ARHGAP12: variants seen among roughly 807,000 people sequenced by gnomAD.
ARHGAP12 encodes the protein Rho GTPase activating protein 12.
Under a neutral mutation model 108.6 loss-of-function variants are expected in ARHGAP12, and 64 were observed. That is an observed-to-expected ratio of 0.59 (90% CI 0.48 to 0.73). The LOEUF is 0.73. Ranked by LOEUF, ARHGAP12 falls within the 30% of genes least tolerant of loss-of-function variation. The pLI is 0.00. For missense variants in ARHGAP12, 940 were observed against 1,005.9 expected (o/e 0.93, Z 0.89); for synonymous variants, 312 against 337.2 (o/e 0.93, Z 0.82).
rs779587349 is a variant in ARHGAP12, at chr10:31,811,427, AAAAC to A, written c.1952-684_1952-681del. On this transcript the variant is annotated intron_variant, in intron 15 of 19. Transcript: ENST00000344936. ...TCCATATTAGTGGTAAATGTTCAGG[AAAAC>A]AAACAATTTGAAGTGATGAATAAGG... Among the ~76,000 whole-genome samples, 326 of 152,300 alleles carry A rather than the reference AAAAC, an allele frequency of 2.1e-3. 1 individual carries two copies. Among genetic ancestry groups the A allele is most frequent in the Non-Finnish European group, 3.2e-3 (218 of 68,006 alleles).
At chr10:31,819,431 C>T (rs546201103) in intron 12 of ARHGAP12, among the ~76,000 whole-genome samples, 1 of 152,312 alleles carries the variant, frequency 6.6e-6, no homozygotes, top group Middle Eastern at 3.4e-3. Context: ...TCTCTGTAAC[C>T]ACACCCTTCT....
chr10:31,823,746 C>G (rs927612824), intron 11 of ARHGAP12, among the ~76,000 whole-genome samples: 1 of 152,102 alleles, frequency 6.6e-6, no homozygotes, highest in African/African-American at 2.4e-5. Context: ...CCTTCTAACA[C>G]CAAAGGAAAT....
intron 3 of ARHGAP12, among the ~76,000 whole-genome samples, chr10:31,877,844 T>C (rs1231027294): frequency 1.3e-5 from 2 of 152,194 alleles, no homozygotes; most frequent in African/African-American, 4.8e-5. Context: ...ATAATTCCAG[T>C]ACTTTGGGAA....
In ARHGAP12 at chr10:31,928,796, T is replaced by A. The variant is rs1466403618; in HGVS notation, c.-224A>T. 6.6e-6 allele frequency: 1 copy of A among 151,294 alleles called. No homozygotes were observed. The highest frequency in any genetic ancestry group is 1.5e-5 in the Non-Finnish European group (1 of 67,826). The allele number at this position is 151,294 out of a possible 1,614,324, so 9.4% of individuals were successfully genotyped here. On this transcript the variant is annotated 5_prime_UTR_variant, in exon 1 of 20. Coordinates refer to ENST00000344936, the MANE Select transcript of ARHGAP12 (RefSeq NM_018287.7). ...CACGGCTACGGCCGCGGCCGGCCCG[T>A]CCCCGCAGGCTGGCCTCTGAGGGAG...
rs1266427905 is a variant in ARHGAP12 at position 31,883,994 on chromosome 10, CAT to C, written c.685-22338_685-22337del. Among the ~76,000 whole-genome samples, 5 of 150,460 alleles carry C rather than the reference CAT, an allele frequency of 3.3e-5. No individual in the cohort carries two copies. In the East Asian group the frequency reaches 9.8e-4, roughly 29 times the overall value. Reference sequence around the variant, plus strand: ...CTTCCCAAAGTGCTGGGGCTACAGGCATGAGCCACTACGCCTGGCCTAAACTT... The same window carrying C: ...CTTCCCAAAGTGCTGGGGCTACAGGCGAGCCACTACGCCTGGCCTAAACTT... On this transcript the variant is annotated intron_variant, in intron 3 of 19. Coordinates refer to ENST00000344936, the MANE Select transcript of ARHGAP12 (RefSeq NM_018287.7).
intron 9 of ARHGAP12, 132 bp from the exon 10 acceptor site, chr10:31,831,932 T>C: frequency 2.1e-6 from 1 of 473,964 alleles, no homozygotes; most frequent in East Asian, 3.5e-5. Context: ...ATGTGTAACA[T>C]GCGTAGTTCT....
chr10:31,874,973 CAAAAAA>C (rs59050160), intron 3 of ARHGAP12, among the ~76,000 whole-genome samples: 1 of 58,314 alleles, frequency 1.7e-5, no homozygotes, highest in Non-Finnish European at 3.0e-5. Flanking sequence ...GACTCTGTCT[CAAAAAA>C]AAAAAAAAAA....
chr10:31,906,950 AACTC>A (rs1839157068), intron 3 of ARHGAP12, among the ~76,000 whole-genome samples: 1 of 152,182 alleles, frequency 6.6e-6, no homozygotes, highest in South Asian at 2.1e-4. Flanking sequence ...ACTGAACAAA[AACTC>A]ACTAAGACAC....
chr10:31,894,482 T>G (rs1002638488), intron 3 of ARHGAP12, among the ~76,000 whole-genome samples: 29 of 152,156 alleles, frequency 1.9e-4, no homozygotes, highest in African/African-American at 6.7e-4. Context: ...AAATCATGAG[T>G]GAACTCCCAT....
chr10:31,911,872 A>C (rs1309016974), intron 1 of ARHGAP12, among the ~76,000 whole-genome samples: 1 of 152,194 alleles, frequency 6.6e-6, no homozygotes, highest in Non-Finnish European at 1.5e-5. Flanking sequence ...CTCTTCAAAA[A>C]AGTACTGTCA....
chr10:31,836,611 C>T (rs1287580610), intron 9 of ARHGAP12, among the ~76,000 whole-genome samples: 1 of 152,076 alleles, frequency 6.6e-6, no homozygotes, highest in Admixed American at 6.5e-5. Flanking sequence ...ATGATGGTAT[C>T]ATTTCCACTT....
rs1836345191 is a variant in ARHGAP12, at chr10:31,843,568, G to C, written c.1189C>G (p.Gln397Glu). The stretch of plus-strand genomic sequence containing the variant: ...CTACTTTTAATTATTTCTCTTTGCT[G>C]CTGGGATGAAGCATTATACTAAAAC... The part of the protein sequence containing the change: ...ELPKYNASSQ[Q>E]QREIIKSRSL... The change falls in exon 7 of 20, where the codon CAG (glutamine) becomes GAG (glutamate). Residue 397 changes from glutamine (Q) to glutamate (E), a missense_variant. Coordinates refer to ENST00000344936, the MANE Select transcript of ARHGAP12 (RefSeq NM_018287.7). 1 of 1,607,086 alleles carries C rather than the reference G, an allele frequency of 6.2e-7. No homozygotes were observed. Among genetic ancestry groups the C allele is most frequent in the Non-Finnish European group, 8.5e-7 (1 of 1,178,038 alleles).
rs1836724463 is a variant in ARHGAP12 at position 31,852,525 on chromosome 10, A to G, written c.1162T>C (p.Leu388=). The G allele has an allele frequency of 1.9e-6, 3 of 1,609,196 alleles. No homozygotes were observed. Among genetic ancestry groups the G allele is most frequent in the African/African-American group, 1.3e-5 (1 of 74,814 alleles). The change falls in exon 6 of 20, where the codon TTG becomes CTG. Residue 388 remains leucine, a synonymous_variant. Transcript: ENST00000344936. The part of the protein sequence containing the change: ...SADGSRSEWE[L]PKYNASSQQQ... ...GTGTCAAGGTTTATTACCTTTGGCA[A>G]TTCCCATTCTGACCGAGATCCGTCT... is the stretch of plus-strand genomic sequence containing the variant.
chr10:31,902,863 G>C (rs1031266386), intron 3 of ARHGAP12, among the ~76,000 whole-genome samples: 2 of 151,674 alleles, frequency 1.3e-5, no homozygotes, highest in African/African-American at 4.8e-5. Context: ...GCTTTTTTTT[G>C]GATGAAATTA....
At chr10:31,862,705 GACACACACACACACACACACACAC>G (rs559731195) in intron 3 of ARHGAP12, among the ~76,000 whole-genome samples, 5 of 133,094 alleles carry the variant, frequency 3.8e-5, no homozygotes, top group Admixed American at 1.5e-4. Context: ...TGCACACACA[GACACACACACACACACACACACAC>G]ACACACACAC....
At chr10:31,855,109 A>AG (rs1226704017) in intron 4 of ARHGAP12, among the ~76,000 whole-genome samples, 1 of 41,774 alleles carries the variant, frequency 2.4e-5, no homozygotes. Context: ...AGGGGAGGGG[A>AG]GGGAGAGGAA....
intron 3 of ARHGAP12, among the ~76,000 whole-genome samples, chr10:31,865,832 C>T (rs1486481681): frequency 1.3e-5 from 2 of 150,530 alleles, no homozygotes; most frequent in South Asian, 2.1e-4. Flanking sequence ...GAGCCAAGAC[C>T]GCGACGCTGC....
intron 6 of ARHGAP12, among the ~76,000 whole-genome samples, chr10:31,851,518 G>A (rs1836679418): frequency 6.6e-6 from 1 of 152,146 alleles, no homozygotes; most frequent in Admixed American, 6.5e-5. Context: ...CAGTTACAGT[G>A]GAGCTCTCTT....
intron 6 of ARHGAP12, among the ~76,000 whole-genome samples, chr10:31,846,640 C>G (rs1392778794): frequency 6.6e-6 from 1 of 152,058 alleles, no homozygotes; most frequent in Non-Finnish European, 1.5e-5. Flanking sequence ...AAGACTTTAT[C>G]AGGGGGAGGG....
Sources: allele counts gnomAD v4.1 joint callset (sites outside exome capture counted in the v4.1 genomes callset), GRCh38; gene constraint gnomAD v4.1.1; transcripts MANE v1.5; gene names NCBI Gene and HGNC (gene_info 2026-07-23, HGNC 2026-07-21).